GRIA2: variants seen among roughly 807,000 people sequenced by gnomAD.
GRIA2 encodes glutamate ionotropic receptor AMPA type subunit 2.
Under a neutral mutation model 97.3 loss-of-function variants are expected in GRIA2, and 14 were observed. That is an observed-to-expected ratio of 0.14 (90% CI 0.10 to 0.23). The LOEUF is 0.23. Among genes scored for constraint, GRIA2 ranks in the 10% least tolerant of loss-of-function variants. The pLI, the probability that GRIA2 is intolerant of heterozygous loss-of-function variation, is 1.00. For synonymous variants in GRIA2, 412 were observed against 387.8 expected, an observed-to-expected ratio of 1.06 and a Z score of -0.73; for missense variants, 558 against 1,069.8, an observed-to-expected ratio of 0.52 and a Z score of 6.67.
chr4:157,263,232 GTTTTC>G (rs1731626596), intron 2 of GRIA2, among the ~76,000 whole-genome samples: 1 of 151,692 alleles, frequency 6.6e-6, no homozygotes, highest in Non-Finnish European at 1.5e-5. Context: ...TTTTATTCCT[GTTTTC>G]TTTTCTCATT....
In GRIA2 at chr4:157,221,065, C is replaced by A; in HGVS notation, c.23C>A (p.Ser8Tyr). 2 of 1,587,218 alleles carry A rather than the reference C, an allele frequency of 1.3e-6. No individual in the cohort carries two copies. Among genetic ancestry groups the A allele is most frequent in the Non-Finnish European group, 1.7e-6 (2 of 1,155,426 alleles). ...GAAATGCAAAAGATTATGCATATTTCTGTCCTCCTTTCTCCTGTTTTATGG... is the reference window on the plus strand; with the variant it reads ...GAAATGCAAAAGATTATGCATATTTATGTCCTCCTTTCTCCTGTTTTATGG... Reference protein sequence around the residue: MQKIMHISVLLSPVLWGL... With the variant: MQKIMHIYVLLSPVLWGL... The change falls in exon 1 of 16, where the codon TCT becomes TAT. Residue 8 changes from serine (S) to tyrosine (Y), a missense_variant. Ser to Tyr is a moderately radical substitution (Grantham distance 144). Around this residue, in one of 8 missense-constraint regions of GRIA2, gnomAD observed 96 missense variants for 176.6 expected, o/e 0.54. Coordinates refer to ENST00000264426, the MANE Select transcript of GRIA2 (RefSeq NM_001083619.3).
intron 9 of GRIA2, chr4:157,334,974 T>A (rs1735216438): frequency 6.6e-6 from 1 of 152,284 alleles, no homozygotes; most frequent in South Asian, 2.1e-4. Context: ...AGGAACTATC[T>A]CACTGAGACC....
At chr4:157,321,743 T>G in intron 6 of GRIA2, 144 bp downstream of exon 6, 1 of 557,498 alleles carries the variant, frequency 1.8e-6, no homozygotes, top group Non-Finnish European at 3.2e-6. Flanking sequence ...GCTAAATATA[T>G]TTTTCACATT....
chr4:157,297,724 A>C (rs1733414148), intron 2 of GRIA2, among the ~76,000 whole-genome samples: 1 of 152,152 alleles, frequency 6.6e-6, no homozygotes, highest in Non-Finnish European at 1.5e-5. Flanking sequence ...TTAATTGTTT[A>C]GATTAAAGTA....
At chr4:157,313,477 A>G (rs946986107) in intron 4 of GRIA2, among the ~76,000 whole-genome samples, 1 of 152,138 alleles carries the variant, frequency 6.6e-6, no homozygotes, top group Non-Finnish European at 1.5e-5. Flanking sequence ...GTTTGAAAGA[A>G]TCACTGACAC....
At chr4:157,262,442 C>T (rs947184102) in intron 2 of GRIA2, among the ~76,000 whole-genome samples, 10 of 151,866 alleles carry the variant, frequency 6.6e-5, no homozygotes, top group African/African-American at 1.5e-4. Flanking sequence ...ATCTTAATAA[C>T]GAAAAATCAG....
intron 2 of GRIA2, among the ~76,000 whole-genome samples, chr4:157,280,065 C>T (rs191423776): frequency 2.3e-4 from 35 of 152,178 alleles, no homozygotes; most frequent in African/African-American, 7.5e-4. Flanking sequence ...GCAGAGGTTG[C>T]CATAAGCCGA....
In GRIA2 at chr4:157,335,791, T is replaced by A; in HGVS notation, c.1387T>A (p.Leu463Met). Reference protein sequence around the residue: ...IAKHCGFKYKLTIVGDGKYGA... With the variant: ...IAKHCGFKYKMTIVGDGKYGA... ...CAAACATTGTGGGTTCAAGTACAAG[T>A]TGACAATTGTTGGTGATGGCAAGTA... Residue 463 changes from leucine to methionine, a missense_variant, in exon 10 of 16, where the codon TTG (leucine) becomes ATG (methionine). Around this residue, in one of 8 missense-constraint regions of GRIA2, gnomAD observed 41 missense variants for 102.2 expected, o/e 0.40. Transcript: ENST00000264426. 3.1e-6 allele frequency: 5 copies of A among 1,612,966 alleles called. No individual in the cohort carries two copies. The highest frequency in any genetic ancestry group is 4.2e-6 in the Non-Finnish European group (5 of 1,179,322).
intron 10 of GRIA2, 98 bp downstream of exon 10, chr4:157,335,975 G>T (rs1223616049): frequency 5.1e-6 from 4 of 787,800 alleles, no homozygotes; most frequent in African/African-American, 1.7e-5. Context: ...TGAGGTTGTT[G>T]ATTTCCCACA....
chr4:157,266,010 C>T (rs1448334577), intron 2 of GRIA2, among the ~76,000 whole-genome samples: 1 of 152,028 alleles, frequency 6.6e-6, no homozygotes, highest in Non-Finnish European at 1.5e-5. Flanking sequence ...GCCATGGTGA[C>T]TGCTGCATGT....
intron 12 of GRIA2, among the ~76,000 whole-genome samples, chr4:157,354,721 G>T (rs1192976159): frequency 6.6e-6 from 1 of 152,110 alleles, no homozygotes; most frequent in Non-Finnish European, 1.5e-5. Context: ...AGTTTATTTA[G>T]CTTGTGCACA....
At chr4:157,251,942 T>C (rs1200339390) in intron 2 of GRIA2, among the ~76,000 whole-genome samples, 2 of 152,104 alleles carry the variant, frequency 1.3e-5, no homozygotes, top group Non-Finnish European at 2.9e-5. Flanking sequence ...AACAATCATT[T>C]TCATAATATT....
In GRIA2 at chr4:157,361,087, A is replaced by G; in HGVS notation, c.2369A>G (p.Asp790Gly). 1 of 1,613,704 alleles carries G rather than the reference A, an allele frequency of 6.2e-7. No individual in the cohort carries two copies. The highest frequency in any genetic ancestry group is 8.5e-7 in the Non-Finnish European group (1 of 1,179,630). The change falls in exon 14 of 16, where the codon GAC becomes GGC. Residue 790 changes from aspartate (D) to glycine (G), a missense_variant. Asp to Gly is a moderately conservative substitution (Grantham distance 94, BLOSUM62 -1). Coordinates refer to ENST00000264426, the MANE Select transcript of GRIA2 (RefSeq NM_001083619.3). The surrounding 1 kb of genome is among the most constrained non-coding windows in gnomAD (Gnocchi z 5.2). ...LDKLKNKWWY[D>G]KGECGSGGGD... ...AAATTGAAAAACAAATGGTGGTACG[A>G]CAAAGGAGAGTGCGGCAGCGGGGGA...
At chr4:157,280,083 C>G (rs1732527664) in intron 2 of GRIA2, among the ~76,000 whole-genome samples, 1 of 152,132 alleles carries the variant, frequency 6.6e-6, no homozygotes, top group African/African-American at 2.4e-5. Flanking sequence ...CGAGATCACG[C>G]CACTGCACTC....
chr4:157,342,491 GCAAAAATGTGGA>G, intron 12 of GRIA2: 1 of 978,372 alleles, frequency 1.0e-6, no homozygotes, highest in Non-Finnish European at 1.2e-6. Flanking sequence ...CAATATAAGT[GCAAAAATGTGGA>G]CCATCAGCAG....
At chr4:157,347,425 C>T (rs1490507222) in intron 12 of GRIA2, among the ~76,000 whole-genome samples, 2 of 152,068 alleles carry the variant, frequency 1.3e-5, no homozygotes, top group African/African-American at 2.4e-5. Flanking sequence ...ATTGTCCATA[C>T]CAAAGAGAAA....
chr4:157,336,821 C>T (rs1252563576), intron 11 of GRIA2, 74 bp downstream of exon 11: 1 of 1,409,214 alleles, frequency 7.1e-7, no homozygotes, highest in African/African-American at 1.4e-5. Flanking sequence ...ATGGATTCAC[C>T]CTAAAGAAGT....
rs949585458 is a variant in GRIA2 at position 157,259,339 on chromosome 4, G to A, written c.229+37532G>A. On this transcript the variant is annotated intron_variant, in intron 2 of 15. Transcript: ENST00000264426. Reference sequence around the variant, plus strand: ...TATGCTCCAGCATACTGGGATTGGGGAGACGTCTGCTATTGTAGTGAAGCT... The same window carrying A: ...TATGCTCCAGCATACTGGGATTGGGAAGACGTCTGCTATTGTAGTGAAGCT... Among the ~76,000 whole-genome samples, 10 of 152,214 alleles carry A rather than the reference G, an allele frequency of 6.6e-5. No homozygotes were observed. In the South Asian group the frequency reaches 1.5e-3, roughly 22 times the overall value.
At chr4:157,223,175 G>C (rs778957542) in intron 2 of GRIA2, among the ~76,000 whole-genome samples, 1 of 152,116 alleles carries the variant, frequency 6.6e-6, no homozygotes, top group East Asian at 1.9e-4. Context: ...CCGTGATTTA[G>C]CTTGATTATC....
Sources: allele counts gnomAD v4.1 joint callset (sites outside exome capture counted in the v4.1 genomes callset), GRCh38; gene constraint gnomAD v4.1.1; regional missense constraint gnomAD v4.1.1; non-coding constraint Gnocchi (gnomAD v3.1); transcripts MANE v1.5; gene names NCBI Gene and HGNC (gene_info 2026-07-23, HGNC 2026-07-21).